Variants in MYOCD observed in about 807,000 individuals in gnomAD.
MYOCD encodes the protein myocardin.
In MYOCD, 32 loss-of-function variants were observed where a neutral mutation model predicts 96.1. The observed-to-expected ratio is 0.33, with a 90% CI of 0.25 to 0.45. The LOEUF is 0.45. Among genes scored for constraint, MYOCD ranks in the 20% least tolerant of loss-of-function variants. MYOCD has a pLI of 1.00. For synonymous variants in MYOCD, 469 were observed against 469.0 expected (o/e 1.00, Z 0.00); for missense variants, 1,133 against 1,200.6 (o/e 0.94, Z 0.83).
Position 12,763,143 on chromosome 17 carries a change from A to G in MYOCD, c.2460A>G (p.Arg820=). 1 of 1,614,140 alleles carries G rather than the reference A, an allele frequency of 6.2e-7. No individual in the cohort carries two copies. Among genetic ancestry groups the G allele is most frequent in the Non-Finnish European group, 8.5e-7 (1 of 1,180,020 alleles). Residue 820 remains arginine, a synonymous_variant, in exon 14 of 14, where the codon CGA becomes CGG. Transcript: ENST00000425538. ...QKVPKIPRSS[R]SPTAVLTKPS... ...TCCCAAAGATACCCAGATCTTCCCGAAGTCCAACTGCTGTCCTCACCAAGC... is the reference window on the plus strand; with the variant it reads ...TCCCAAAGATACCCAGATCTTCCCGGAGTCCAACTGCTGTCCTCACCAAGC...
rs542262267 is a variant in MYOCD, at chr17:12,675,625, G to T, written c.55+9382G>T. ...TGTAATCCCAGCAATTTGGGAGGCC[G>T]AGATGGGTGGATCACGAGGTCAGGG... On this transcript the variant is annotated intron_variant, in intron 1 of 13. Coordinates refer to ENST00000425538, the MANE Select transcript of MYOCD (RefSeq NM_001146312.3). Among the ~76,000 whole-genome samples, 9 of 152,330 alleles carry T rather than the reference G, an allele frequency of 5.9e-5. No individual in the cohort carries two copies. In the East Asian group the frequency reaches 1.3e-3, roughly 23 times the overall value.
chr17:12,716,017 T>A (rs1245334011), intron 3 of MYOCD, among the ~76,000 whole-genome samples: 2 of 152,266 alleles, frequency 1.3e-5, no homozygotes, highest in African/African-American at 2.4e-5. Flanking sequence ...AAGGTTATTT[T>A]GCTTTTTTCC....
chr17:12,712,213 G>C (rs572005966), intron 2 of MYOCD, among the ~76,000 whole-genome samples: 1 of 152,260 alleles, frequency 6.6e-6, no homozygotes, highest in South Asian at 2.1e-4. Context: ...TGGTCCGGAA[G>C]CTGCACTTAG....
At chr17:12,690,788 A>G (rs1028375131) in intron 1 of MYOCD, among the ~76,000 whole-genome samples, 12 of 152,272 alleles carry the variant, frequency 7.9e-5, no homozygotes, top group South Asian at 6.2e-4. Flanking sequence ...ATATCAGGTA[A>G]ATTGGGGAAA....
chr17:12,732,189 T>C (rs1240120303), intron 5 of MYOCD, among the ~76,000 whole-genome samples: 1 of 152,172 alleles, frequency 6.6e-6, no homozygotes, highest in Non-Finnish European at 1.5e-5. Context: ...GGTTTCCTCA[T>C]TTCATTGACT....
chr17:12,733,750 C>T (rs1269758288), intron 5 of MYOCD, among the ~76,000 whole-genome samples: 1 of 151,966 alleles, frequency 6.6e-6, no homozygotes, highest in East Asian at 1.9e-4. Context: ...GCCTGTAGTC[C>T]CAGCTACTTG....
chr17:12,719,122 C>G (rs1367204245), intron 4 of MYOCD, among the ~76,000 whole-genome samples: 1 of 132,234 alleles, frequency 7.6e-6, no homozygotes, highest in African/African-American at 2.9e-5. Context: ...TTGCAGTGAG[C>G]TGAGATCGCG....
At position 12,744,608 on chromosome 17, in the gene MYOCD, C is replaced by T. The variant is rs566495398; in HGVS notation, c.971+172C>T. Among the ~76,000 whole-genome samples the T allele has an allele frequency of 7.4e-4, 113 of 152,210 alleles. 1 individual carries two copies. The South Asian group carries it at 0.022, about 30-fold the overall frequency. On this transcript the variant is annotated intron_variant, in intron 8 of 13. Transcript: ENST00000425538. ...GAAACTATGCACACCTTTTCAGAGCCGTAAGACTGGGAGGAAGCAAATACA... is the reference window on the plus strand; with the variant it reads ...GAAACTATGCACACCTTTTCAGAGCTGTAAGACTGGGAGGAAGCAAATACA...
intron 1 of MYOCD, among the ~76,000 whole-genome samples, chr17:12,679,350 C>T (rs1187979342): frequency 6.6e-6 from 1 of 152,096 alleles, no homozygotes; most frequent in Admixed American, 6.6e-5. Flanking sequence ...ATAGGGATAG[C>T]AAAGGAATCC....
chr17:12,670,983 A>G (rs1909675797), intron 1 of MYOCD, among the ~76,000 whole-genome samples: 1 of 152,122 alleles, frequency 6.6e-6, no homozygotes, highest in South Asian at 2.1e-4. Flanking sequence ...CCCTTCCCTC[A>G]CCATCTTAAT....
At chr17:12,696,871 A>T (rs1400638850) in intron 1 of MYOCD, among the ~76,000 whole-genome samples, 2 of 152,138 alleles carry the variant, frequency 1.3e-5, no homozygotes, top group East Asian at 3.8e-4. Flanking sequence ...CATGTCACTG[A>T]TACTTGTGTT....
At chr17:12,744,053 C>A (rs1161718285) in intron 7 of MYOCD, 130 bp from the exon 8 acceptor site, 1 of 1,089,786 alleles carries the variant, frequency 9.2e-7, no homozygotes, top group Non-Finnish European at 1.3e-6. Flanking sequence ...GTACATCATG[C>A]CTTTGCTATA....
intron 1 of MYOCD, among the ~76,000 whole-genome samples, chr17:12,674,175 G>A (rs889568396): frequency 3.3e-5 from 5 of 152,140 alleles, no homozygotes; most frequent in African/African-American, 1.2e-4. Flanking sequence ...TTGGAGGCCA[G>A]GTATGAACGT....
At chr17:12,703,526 C>T (rs562006388) in intron 1 of MYOCD, among the ~76,000 whole-genome samples, 13 of 152,078 alleles carry the variant, frequency 8.5e-5, no homozygotes, top group African/African-American at 2.2e-4. Context: ...CTTATAATTA[C>T]GAAATTTCCA....
rs762490218 is a variant in MYOCD at position 12,760,727 on chromosome 17, G to C, written c.2389+20G>C. 1.1e-5 allele frequency: 18 copies of C among 1,598,678 alleles called. No individual in the cohort carries two copies. The highest frequency in any genetic ancestry group is 1.1e-4 in the East Asian group (5 of 44,820). On this transcript the variant is annotated intron_variant, in intron 13 of 13. Transcript: ENST00000425538. The stretch of plus-strand genomic sequence containing the variant: ...GCGGAGGTAAGACTGCCTGTGTCCT[G>C]TCCATTAGGACATTCTGAGCCCACA...
At chr17:12,709,873 A>T (rs544564386) in intron 2 of MYOCD, among the ~76,000 whole-genome samples, 34 of 151,970 alleles carry the variant, frequency 2.2e-4, no homozygotes, top group Non-Finnish European at 4.6e-4. Flanking sequence ...CCTGGGTATC[A>T]CTCTCCTGGG....
rs1361235303 is a variant in MYOCD, at chr17:12,768,198, A to G, written c.*4554A>G. The G allele has an allele frequency of 1.3e-5, 2 of 152,168 alleles. No individual in the cohort carries two copies. The highest frequency in any genetic ancestry group is 2.9e-5 in the Non-Finnish European group (2 of 68,024). The allele number at this position is 152,168 out of a possible 1,614,324, so 9.4% of individuals were successfully genotyped here. A position where few individuals can be genotyped will look rare whatever the true frequency, so the allele number is the denominator to read the frequency against. On this transcript the variant is annotated 3_prime_UTR_variant, in exon 14 of 14. Transcript: ENST00000425538. Reference sequence around the variant, plus strand: ...AGAGCCCAGGTCCTGGAACAAGACAATCCTGTAGTGCCAAGATCTGGTCAG... The same window carrying G: ...AGAGCCCAGGTCCTGGAACAAGACAGTCCTGTAGTGCCAAGATCTGGTCAG...
chr17:12,685,950 T>C (rs1443002924), intron 1 of MYOCD, among the ~76,000 whole-genome samples: 2 of 152,228 alleles, frequency 1.3e-5, no homozygotes, highest in Non-Finnish European at 2.9e-5. Context: ...CAAAGCCTTC[T>C]GGAGTCACCA....
At chr17:12,666,868 C>G (rs559309301) in intron 1 of MYOCD, among the ~76,000 whole-genome samples, 1 of 152,254 alleles carries the variant, frequency 6.6e-6, no homozygotes, top group South Asian at 2.1e-4. Context: ...AGAAACTTCT[C>G]AAAGGACGCT....
Sources: allele counts gnomAD v4.1 joint callset (sites outside exome capture counted in the v4.1 genomes callset), GRCh38; gene constraint gnomAD v4.1.1; transcripts MANE v1.5; gene names NCBI Gene and HGNC (gene_info 2026-07-23, HGNC 2026-07-21).